LARS1: variants seen among roughly 807,000 people sequenced by gnomAD.
LARS1 encodes leucyl-tRNA synthetase 1, also known as leucine--tRNA ligase, cytoplasmic.
LARS1 carries 100 observed loss-of-function variants against 162.8 expected under a neutral mutation model. That is an observed-to-expected ratio of 0.61 (90% CI 0.52 to 0.73). LARS1 has a LOEUF of 0.73. Ranked by LOEUF, LARS1 falls within the 30% of genes least tolerant of loss-of-function variation. LARS1 has a pLI of 0.00. For synonymous variants in LARS1, 457 were observed against 462.8 expected (o/e 0.99, Z 0.16); for missense variants, 1,258 against 1,408.9 (o/e 0.89, Z 1.71).
Position 146,174,445 on chromosome 5 carries a change from C to G in LARS1, c.126-1671G>C, listed in dbSNP as rs542440819. Among the ~76,000 whole-genome samples, 289 of 121,390 alleles carry G rather than the reference C, an allele frequency of 2.4e-3. 3 individuals are homozygous for G. The highest frequency in any genetic ancestry group is 7.7e-3 in the African/African-American group (280 of 36,540). 79.6% of individuals were successfully genotyped at this position (121,390 alleles called of 152,430 possible). A position where few individuals can be genotyped will look rare whatever the true frequency, so the allele number is the denominator to read the frequency against. On this transcript the variant is annotated intron_variant, in intron 2 of 31. Coordinates refer to ENST00000394434, the MANE Select transcript of LARS1 (RefSeq NM_020117.11). ...GGGCAACAACAGCAAAACTCTGTCTCAAATATATATATATATATCCATATA... is the reference window on the plus strand; with the variant it reads ...GGGCAACAACAGCAAAACTCTGTCTGAAATATATATATATATATCCATATA...
At chr5:146,129,792 T>C (rs1752199459) in intron 25 of LARS1, among the ~76,000 whole-genome samples, 1 of 152,214 alleles carries the variant, frequency 6.6e-6, no homozygotes, top group Non-Finnish European at 1.5e-5. Context: ...ATTTTCACCT[T>C]TTAAAAATAT....
rs577456647 is a variant in LARS1 at position 146,158,530 on chromosome 5, A to C, written c.772-735T>G. On this transcript the variant is annotated intron_variant, in intron 8 of 31. Coordinates refer to ENST00000394434, the MANE Select transcript of LARS1 (RefSeq NM_020117.11). ...ACTTTGCCATGGATTTAGCCAAATC[A>C]CTTACTCTTGATTTATTCAAGTATT... is the stretch of plus-strand genomic sequence containing the variant. Among the ~76,000 whole-genome samples, 253 of 152,330 alleles carry C rather than the reference A, an allele frequency of 1.7e-3. 2 individuals carry two copies. Among genetic ancestry groups the C allele is most frequent in the African/African-American group, 5.9e-3 (247 of 41,572 alleles).
intron 21 of LARS1, chr5:146,138,978 C>A: frequency 2.7e-6 from 1 of 364,776 alleles, no homozygotes; most frequent in Non-Finnish European, 5.4e-6. Flanking sequence ...GACACAGAAT[C>A]GGAGTGATGC....
Position 146,144,373 on chromosome 5 carries a change from T to C in LARS1, c.1656-24A>G, listed in dbSNP as rs746575837. 10 of 1,604,722 alleles carry C rather than the reference T, an allele frequency of 6.2e-6. No homozygotes were observed. The East Asian group carries it at 1.3e-4, about 21-fold the overall frequency. On this transcript the variant is annotated intron_variant, in intron 17 of 31. Transcript: ENST00000394434. ...ATCTAGAAAAGAGCAAAAGACAAAG[T>C]GTATCTTTACTGGTTCACTTTTTTT...
At chr5:146,158,096 A>G (rs1044918939) in intron 8 of LARS1, among the ~76,000 whole-genome samples, 9 of 152,224 alleles carry the variant, frequency 5.9e-5, no homozygotes, top group African/African-American at 1.9e-4. Context: ...GGAAGACACT[A>G]GACCAGAGGT....
chr5:146,173,643 T>C (rs548853739), intron 2 of LARS1, among the ~76,000 whole-genome samples: 4 of 152,044 alleles, frequency 2.6e-5, no homozygotes, highest in Admixed American at 1.3e-4. Flanking sequence ...TTGGTCTGTA[T>C]TCTTTTTTCT....
intron 31 of LARS1, among the ~76,000 whole-genome samples, chr5:146,115,105 AT>A (rs1764150793): frequency 6.6e-6 from 1 of 151,094 alleles, no homozygotes; most frequent in Non-Finnish European, 1.5e-5. Flanking sequence ...GCAAATCTTC[AT>A]CCCCTTTCAG....
At chr5:146,165,575 T>A (rs1435088065) in intron 5 of LARS1, among the ~76,000 whole-genome samples, 1 of 152,022 alleles carries the variant, frequency 6.6e-6, no homozygotes, top group Non-Finnish European at 1.5e-5. Flanking sequence ...TGTAAATTTT[T>A]AAAAAATTCA....
chr5:146,176,036 C>T (rs1423539051), intron 2 of LARS1, among the ~76,000 whole-genome samples: 1 of 152,036 alleles, frequency 6.6e-6, no homozygotes, highest in Non-Finnish European at 1.5e-5. Context: ...CCTGTAGTCC[C>T]AGCTACTCAG....
chr5:146,176,020 C>T (rs140292750), intron 2 of LARS1, among the ~76,000 whole-genome samples: 1,740 of 151,968 alleles, frequency 0.011, 117 homozygotes, highest in Admixed American at 0.094. Flanking sequence ...GGCATGGTGG[C>T]GCATGCCTGT....
intron 26 of LARS1, 78 bp from the exon 27 acceptor site, chr5:146,128,860 C>T: frequency 2.1e-6 from 3 of 1,418,994 alleles, no homozygotes; most frequent in South Asian, 2.5e-5. Flanking sequence ...CCCCAACATA[C>T]ACCACCACGG....
At chr5:146,160,596 C>T in intron 6 of LARS1, 110 bp from the exon 7 acceptor site, 2 of 504,564 alleles carry the variant, frequency 4.0e-6, no homozygotes, top group Non-Finnish European at 7.0e-6. Context: ...ATCAGATCAA[C>T]TATTAAAAAT....
chr5:146,134,373 A>G (rs1200593069), intron 22 of LARS1, among the ~76,000 whole-genome samples: 1 of 152,172 alleles, frequency 6.6e-6, no homozygotes, highest in Non-Finnish European at 1.5e-5. Context: ...AATTGCTTAT[A>G]TATCTTGTAA....
At chr5:146,170,480 AAG>A (rs1491199575) in intron 4 of LARS1, among the ~76,000 whole-genome samples, 2 of 151,836 alleles carry the variant, frequency 1.3e-5, no homozygotes, top group Non-Finnish European at 2.9e-5. Context: ...AAAAAAAAAA[AAG>A]GGGGGAAAAA....
At chr5:146,130,218 A>G in intron 24 of LARS1, 60 bp from the exon 25 acceptor site, 1 of 1,522,870 alleles carries the variant, frequency 6.6e-7, no homozygotes, top group South Asian at 1.2e-5. Context: ...AAATAAAGGG[A>G]AAAATTGCAG....
At chr5:146,174,501 C>CATAT (rs377020148) in intron 2 of LARS1, among the ~76,000 whole-genome samples, 4 of 22,246 alleles carry the variant, frequency 1.8e-4, no homozygotes, top group Admixed American at 6.3e-4. Context: ...TATATATATC[C>CATAT]ATATATATAT....
chr5:146,160,580 C>A (rs1391385971), intron 6 of LARS1, 94 bp from the exon 7 acceptor site: 5 of 562,332 alleles, frequency 8.9e-6, no homozygotes, highest in Non-Finnish European at 1.2e-5. Context: ...ACTCTTCTAA[C>A]TTAGAATCAG....
chr5:146,133,194 C>T lies in LARS1; in HGVS notation c.2213-113G>A, dbSNP rs13164711. 8.1e-3 allele frequency: 6,506 copies of T among 806,882 alleles called. 34 individuals are homozygous for T. The highest frequency in any genetic ancestry group is 0.013 in the Middle Eastern group (54 of 4,006). The allele number at this position is 806,882 out of a possible 1,614,324, so 50.0% of individuals were successfully genotyped here. The stretch of plus-strand genomic sequence containing the variant: ...AAGCCCATATATAAATTAACAAATG[C>T]TTTAAAGGACTGTCCTGGATCAACA... On this transcript the variant is annotated intron_variant, in intron 22 of 31. Coordinates refer to ENST00000394434, the MANE Select transcript of LARS1 (RefSeq NM_020117.11).
chr5:146,129,833 A>C (rs540911870), intron 25 of LARS1, among the ~76,000 whole-genome samples, 185 bp downstream of exon 25: 6 of 152,332 alleles, frequency 3.9e-5, no homozygotes, highest in African/African-American at 1.4e-4. Context: ...AAATAAGGGC[A>C]CATATATCCA....
Sources: allele counts gnomAD v4.1 joint callset (sites outside exome capture counted in the v4.1 genomes callset), GRCh38; gene constraint gnomAD v4.1.1; transcripts MANE v1.5; gene names NCBI Gene and HGNC (gene_info 2026-07-23, HGNC 2026-07-21).